Variants in RNF121 observed in about 807,000 individuals in gnomAD.
RNF121 encodes the protein E3 ubiquitin ligase RNF121.
In RNF121, 21 loss-of-function variants were observed where a neutral mutation model predicts 46.5. The observed-to-expected ratio is 0.45, with a 90% CI of 0.32 to 0.65. RNF121 has a LOEUF of 0.65. RNF121 is among the 30% of genes least tolerant of loss of function. The pLI is 0.04. For missense variants in RNF121, 346 were observed against 416.0 expected (o/e 0.83, Z 1.46); for synonymous variants, 139 against 144.7 (o/e 0.96, Z 0.28).
At chr11:71,987,442 C>T (rs374375105) in intron 5 of RNF121, among the ~76,000 whole-genome samples, 2 of 152,184 alleles carry the variant, frequency 1.3e-5, no homozygotes, top group East Asian at 1.9e-4. Flanking sequence ...CTGTTTTTCT[C>T]GTCAGTGTGT....
chr11:71,938,310 C>CT (rs1953470406), intron 1 of RNF121, among the ~76,000 whole-genome samples: 1 of 86,414 alleles, frequency 1.2e-5, no homozygotes, highest in Non-Finnish European at 2.4e-5. Context: ...TGTGTAGTCT[C>CT]TTAATTTTTT....
At chr11:71,944,987 C>T (rs1042533707) in intron 1 of RNF121, among the ~76,000 whole-genome samples, 12 of 151,426 alleles carry the variant, frequency 7.9e-5, no homozygotes. Context: ...GGAAGAGTCA[C>T]TTTTTTGTTG....
chr11:71,949,250 T>C (rs559144716), intron 1 of RNF121, among the ~76,000 whole-genome samples: 44 of 152,188 alleles, frequency 2.9e-4, no homozygotes, highest in African/African-American at 1.0e-3. Flanking sequence ...AGACCCCTTA[T>C]CTACAAAAAA....
At chr11:71,930,270 T>C (rs1953244906) in intron 1 of RNF121, among the ~76,000 whole-genome samples, 1 of 152,060 alleles carries the variant, frequency 6.6e-6, no homozygotes, top group Non-Finnish European at 1.5e-5. Flanking sequence ...ACCAGTGAGA[T>C]CTCTGAGGGG....
At chr11:71,941,838 C>T (rs961694003) in intron 1 of RNF121, among the ~76,000 whole-genome samples, 4 of 151,954 alleles carry the variant, frequency 2.6e-5, no homozygotes, top group Non-Finnish European at 5.9e-5. Flanking sequence ...AAAAATGGTT[C>T]TGTATGAGGT....
intron 2 of RNF121, among the ~76,000 whole-genome samples, chr11:71,960,020 A>C (rs1008074345): frequency 2.0e-5 from 3 of 152,218 alleles, no homozygotes; most frequent in Non-Finnish European, 4.4e-5. Context: ...GTTTTTAGCC[A>C]GTATTAGCCA....
intron 1 of RNF121, among the ~76,000 whole-genome samples, chr11:71,955,256 A>G (rs933475581): frequency 6.6e-6 from 1 of 152,176 alleles, no homozygotes; most frequent in Admixed American, 6.5e-5. Context: ...CCACTTAGAA[A>G]GGATGTCTAA....
rs1370588797 is a variant in RNF121 at position 71,995,459 on chromosome 11, G to C, written c.771G>C (p.Glu257Asp). 6.3e-7 allele frequency: 1 copy of C among 1,581,618 alleles called. No homozygotes were observed. The highest frequency in any genetic ancestry group is 8.6e-7 in the Non-Finnish European group (1 of 1,161,496). Reference sequence around the variant, plus strand: ...GACCAGCGGTGCTCAGCTTCCACGAGTTCTGCATCCGTGGCTGGTGCATCG... The same window carrying C: ...GACCAGCGGTGCTCAGCTTCCACGACTTCTGCATCCGTGGCTGGTGCATCG... ...YRLSCNHVFHEFCIRGWCIVG... is the reference protein window; with the variant it reads ...YRLSCNHVFHDFCIRGWCIVG... Residue 257 changes from glutamate (E) to aspartate (D), a missense_variant, in exon 8 of 9, where the codon GAG becomes GAC. By Grantham distance (45) the Glu-to-Asp change is conservative. Around this residue, in one of 2 missense-constraint regions of RNF121, gnomAD observed 286 missense variants for 383.8 expected, o/e 0.75. Coordinates refer to ENST00000361756, the MANE Select transcript of RNF121 (RefSeq NM_018320.5).
intron 1 of RNF121, among the ~76,000 whole-genome samples, chr11:71,931,053 C>T (rs546887006): frequency 2.0e-5 from 3 of 152,242 alleles, no homozygotes; most frequent in South Asian, 2.1e-4. Context: ...AGGCTGGCCT[C>T]GAACTCCTGA....
intron 5 of RNF121, among the ~76,000 whole-genome samples, chr11:71,988,243 C>T (rs968392258): frequency 6.6e-6 from 1 of 152,146 alleles, no homozygotes; most frequent in Non-Finnish European, 1.5e-5. Flanking sequence ...CGAATTGAGT[C>T]AGATGCCAAG....
chr11:71,957,124 C>T, intron 1 of RNF121, 103 bp from the exon 2 acceptor site: 1 of 816,238 alleles, frequency 1.2e-6, no homozygotes, highest in Non-Finnish European at 2.2e-6. Flanking sequence ...AGACTTGAAG[C>T]TTCTCTAATT....
chr11:71,996,371 C>G lies in RNF121; in HGVS notation c.*56C>G. 1 of 1,592,766 alleles carries G rather than the reference C, an allele frequency of 6.3e-7. No individual in the cohort carries two copies. The highest frequency in any genetic ancestry group is 8.6e-7 in the Non-Finnish European group (1 of 1,167,454). ...CACACGCCATGGACCTCAGGGCACT[C>G]TCCTCCCTGCCCACAAAGACCTCCT... is the stretch of plus-strand genomic sequence containing the variant. On this transcript the variant is annotated 3_prime_UTR_variant, in exon 9 of 9. Transcript: ENST00000361756.
chr11:71,986,973 C>A, intron 4 of RNF121, 31 bp from the exon 5 acceptor site: 1 of 1,261,482 alleles, frequency 7.9e-7, no homozygotes, highest in Non-Finnish European at 1.2e-6. Flanking sequence ...ATCTCTGTGT[C>A]AGCTGCACTA....
At chr11:71,942,485 G>A (rs1047266307) in intron 1 of RNF121, among the ~76,000 whole-genome samples, 3 of 152,078 alleles carry the variant, frequency 2.0e-5, no homozygotes, top group African/African-American at 4.8e-5. Flanking sequence ...AAATTTAGCC[G>A]GGCACAGTGG....
intron 3 of RNF121, among the ~76,000 whole-genome samples, chr11:71,970,009 A>G (rs183884423): frequency 1.3e-5 from 2 of 152,328 alleles, no homozygotes; most frequent in Admixed American, 6.5e-5. Flanking sequence ...TCTTAGGTTC[A>G]TTTGTGGGTT....
At chr11:71,994,600 C>G (rs1318670932) in intron 6 of RNF121, 119 bp from the exon 7 acceptor site, 1 of 1,149,746 alleles carries the variant, frequency 8.7e-7, no homozygotes, top group Non-Finnish European at 1.3e-6. Context: ...TCCTCTAACT[C>G]TGGGCCTCCC....
chr11:71,987,177 T>C, intron 5 of RNF121, 66 bp downstream of exon 5: 1 of 1,034,968 alleles, frequency 9.7e-7, no homozygotes. Context: ...ATGTACCTCT[T>C]GTTGCAAGTC....
intron 3 of RNF121, among the ~76,000 whole-genome samples, chr11:71,965,736 A>G (rs1023359135): frequency 2.0e-5 from 3 of 152,186 alleles, no homozygotes; most frequent in East Asian, 1.9e-4. Flanking sequence ...GTCAAAAAAT[A>G]TATGTGTTTT....
At chr11:71,976,220 T>C (rs528647411) in intron 3 of RNF121, among the ~76,000 whole-genome samples, 2 of 152,120 alleles carry the variant, frequency 1.3e-5, no homozygotes, top group Non-Finnish European at 1.5e-5. Context: ...TGCTGTCTTA[T>C]GGCCATGCTT....
Sources: gnomAD v4.1 joint callset for allele counts (sites outside exome capture counted in the v4.1 genomes callset) on GRCh38, gnomAD v4.1.1 for gene constraint, gnomAD v4.1.1 regional missense constraint, MANE v1.5 for transcripts, NCBI Gene and HGNC (gene_info 2026-07-23, HGNC 2026-07-21) for gene names.